RBM6: variants seen among roughly 807,000 people sequenced by gnomAD.
The protein encoded by RBM6 is RNA binding motif protein 6.
RBM6 carries 23 observed loss-of-function variants against 140.4 expected under a neutral mutation model. That is an observed-to-expected ratio of 0.16 (90% CI 0.12 to 0.23). The LOEUF (loss-of-function observed/expected upper bound fraction) is 0.23, where lower values mean the gene tolerates loss of function less well. RBM6 is among the 10% of genes least tolerant of loss of function. The pLI is 1.00. For missense variants in RBM6, 1,139 were observed against 1,386.7 expected (o/e 0.82, Z 2.84); for synonymous variants, 439 against 475.6 (o/e 0.92, Z 1.00).
chr3:49,994,344 C>T (rs551353108), intron 5 of RBM6, among the ~76,000 whole-genome samples: 8 of 152,176 alleles, frequency 5.3e-5, no homozygotes, highest in African/African-American at 1.4e-4. Flanking sequence ...ATTATATCCA[C>T]GAGCCACCAC....
At chr3:50,004,573 A>G (rs1457759548) in intron 6 of RBM6, among the ~76,000 whole-genome samples, 1 of 147,542 alleles carries the variant, frequency 6.8e-6, no homozygotes, top group Non-Finnish European at 1.5e-5. Context: ...TCGGCCTCCC[A>G]AAGCACTGGG....
chr3:50,012,317 G>T (rs1033485406), intron 6 of RBM6, among the ~76,000 whole-genome samples: 3 of 151,974 alleles, frequency 2.0e-5, no homozygotes, highest in South Asian at 2.1e-4. Flanking sequence ...CGAAGTGCTG[G>T]GATTACAGGC....
At chr3:50,005,168 A>G (rs2086516242) in intron 6 of RBM6, among the ~76,000 whole-genome samples, 1 of 152,132 alleles carries the variant, frequency 6.6e-6, no homozygotes. Flanking sequence ...AGGAAACCAA[A>G]TCTCAAATGT....
Position 50,010,583 on chromosome 3 carries a change from A to T in RBM6, c.1557+11070A>T, listed in dbSNP as rs528548679. On this transcript the variant is annotated intron_variant, in intron 6 of 20. Transcript: ENST00000266022. ...GGTATGTGAATTTTATCTCAATTTT[A>T]AAAAAAGTCTTTAAATGTAGTATGA... is the stretch of plus-strand genomic sequence containing the variant. 2.0e-3 allele frequency among the ~76,000 whole-genome samples: 302 copies of T among 152,210 alleles called. 1 individual carries two copies. The highest frequency in any genetic ancestry group is 7.0e-3 in the African/African-American group (289 of 41,524).
rs764449544 is a variant in RBM6, at chr3:49,968,138, G to A, written c.713G>A (p.Arg238Gln). The change falls in exon 3 of 21, where the codon CGA becomes CAA. Residue 238 changes from arginine (R) to glutamine (Q), a missense_variant. Arg to Gln is a conservative substitution (Grantham distance 43). This residue lies in a region of RBM6 where 566 missense variants were observed against 612.7 expected (regional missense o/e 0.92). Transcript: ENST00000266022. ...KDGTQVDFRG[R>Q]GSGTTDLDFR... ...GGAACACAAGTAGACTTTAGAGGCC[G>A]AGGTTCAGGTACTACTGATCTAGAC... 13 of 1,614,026 alleles carry A rather than the reference G, an allele frequency of 8.1e-6. No individual in the cohort carries two copies. The African/African-American group carries it at 1.1e-4, about 13-fold the overall frequency.
Position 49,968,688 on chromosome 3 carries a change from T to C in RBM6, c.1263T>C (p.Tyr421=). Residue 421 remains tyrosine, a synonymous_variant, in exon 3 of 21, where the codon TAT becomes TAC. Transcript: ENST00000266022. ...HRLPGSQMFG[Y]GQSKSFPEGK... is the part of the protein sequence containing the mutation. ...TGCCAGGAAGCCAGATGTTTGGCTA[T>C]GGCCAGAGCAAGTCTTTTCCAGAGG... 9.3e-6 allele frequency: 15 copies of C among 1,613,050 alleles called. No homozygotes were observed. Among genetic ancestry groups the C allele is most frequent in the Non-Finnish European group, 1.3e-5 (15 of 1,179,788 alleles).
intron 1 of RBM6, among the ~76,000 whole-genome samples, chr3:49,959,103 C>T (rs763671876): frequency 2.2e-4 from 33 of 151,514 alleles, no homozygotes; most frequent in Non-Finnish European, 4.7e-4. Flanking sequence ...TGAAGAATTC[C>T]CTTTTAGCAT....
intron 8 of RBM6, among the ~76,000 whole-genome samples, chr3:50,055,441 T>C (rs1189618905): frequency 6.6e-6 from 1 of 152,136 alleles, no homozygotes; most frequent in East Asian, 1.9e-4. Context: ...TGCAGTTTGG[T>C]GCCCAACTTA....
chr3:50,030,837 G>C (rs1267225331), intron 6 of RBM6, among the ~76,000 whole-genome samples: 1 of 152,056 alleles, frequency 6.6e-6, no homozygotes, highest in Non-Finnish European at 1.5e-5. Flanking sequence ...AAGGAAGGGG[G>C]ATGAAAATGG....
intron 7 of RBM6, among the ~76,000 whole-genome samples, chr3:50,052,433 C>T (rs745945167): frequency 4.6e-5 from 7 of 152,198 alleles, no homozygotes; most frequent in Non-Finnish European, 1.0e-4. Flanking sequence ...ACTGAAGTGT[C>T]ACATACTTTA....
chr3:49,941,631 A>C (rs2083281066), intron 1 of RBM6, among the ~76,000 whole-genome samples: 1 of 119,742 alleles, frequency 8.4e-6, no homozygotes, highest in Non-Finnish European at 1.7e-5. Context: ...CAAGAGTGAA[A>C]CTCTGTCTCA....
chr3:49,946,812 G>C (rs1183665619), intron 1 of RBM6, among the ~76,000 whole-genome samples: 1 of 151,190 alleles, frequency 6.6e-6, no homozygotes, highest in Non-Finnish European at 1.5e-5. Context: ...TGGGATTACA[G>C]GTGTGAGCCA....
In RBM6 at chr3:50,061,228, A is replaced by G; in HGVS notation, c.2353+7A>G. Reference sequence around the variant, plus strand: ...AATCGACAAGGACAACAGTGTAAGTAACCTTTGTTTTATTTCTGTTGCTCT... The same window carrying G: ...AATCGACAAGGACAACAGTGTAAGTGACCTTTGTTTTATTTCTGTTGCTCT... On this transcript the variant is annotated splice_region_variant and intron_variant, in intron 13 of 20. Transcript: ENST00000266022. The G allele has an allele frequency of 6.2e-7, 1 of 1,614,024 alleles. No individual in the cohort carries two copies. The highest frequency in any genetic ancestry group is 8.5e-7 in the Non-Finnish European group (1 of 1,179,968).
intron 6 of RBM6, among the ~76,000 whole-genome samples, chr3:50,020,820 C>T (rs960224925): frequency 2.6e-5 from 4 of 152,104 alleles, no homozygotes; most frequent in Admixed American, 6.6e-5. Flanking sequence ...AAGATAGAAA[C>T]GGTACAGTGA....
intron 1 of RBM6, among the ~76,000 whole-genome samples, chr3:49,953,913 G>T (rs1441063224): frequency 1.3e-5 from 2 of 151,958 alleles, no homozygotes; most frequent in Admixed American, 6.6e-5. Context: ...CGGGGTAATC[G>T]CCTGAATCAG....
At chr3:50,011,005 C>G (rs1181862742) in intron 6 of RBM6, among the ~76,000 whole-genome samples, 1 of 151,152 alleles carries the variant, frequency 6.6e-6, no homozygotes, top group Admixed American at 6.6e-5. Flanking sequence ...CTCCACCCTA[C>G]CCCAACCCCC....
chr3:49,971,426 C>CA (rs1208618541), intron 3 of RBM6, among the ~76,000 whole-genome samples: 1 of 149,072 alleles, frequency 6.7e-6, no homozygotes, highest in Admixed American at 6.8e-5. Context: ...GCCTGGGCGA[C>CA]AGAGCGACAC....
chr3:49,982,555 C>T (rs2085358980), intron 5 of RBM6, among the ~76,000 whole-genome samples: 1 of 151,890 alleles, frequency 6.6e-6, no homozygotes, highest in African/African-American at 2.4e-5. Context: ...GCTGGGCTTA[C>T]AGGCACCCGC....
chr3:50,001,031 GACCATTTGTTCAGTGTCCATC>G (rs2086303588), intron 6 of RBM6, among the ~76,000 whole-genome samples: 1 of 152,142 alleles, frequency 6.6e-6, no homozygotes, highest in Non-Finnish European at 1.5e-5. Context: ...GATTCTCATT[GACCATTTGTTCAGTGTCCATC>G]ACTGAATCAC....
Sources: allele counts gnomAD v4.1 joint callset (sites outside exome capture counted in the v4.1 genomes callset), GRCh38; gene constraint gnomAD v4.1.1; regional missense constraint gnomAD v4.1.1; transcripts MANE v1.5; gene names NCBI Gene and HGNC (gene_info 2026-07-23, HGNC 2026-07-21).